Variants in APLP2 observed in about 807,000 individuals in gnomAD.
The protein encoded by APLP2 is amyloid beta precursor like protein 2, also known as CDEI box-binding protein.
APLP2 carries 53 observed loss-of-function variants against 89.9 expected under a neutral mutation model. That is an observed-to-expected ratio of 0.59 (90% CI 0.47 to 0.74). APLP2 has a LOEUF of 0.74. Ranked by LOEUF, APLP2 falls within the 30% of genes least tolerant of loss-of-function variation. The pLI, the probability that APLP2 is intolerant of heterozygous loss-of-function variation, is 0.00. For synonymous variants in APLP2, 372 were observed against 348.6 expected (o/e 1.07, Z -0.75); for missense variants, 973 against 975.9 (o/e 1.00, Z 0.04).
At chr11:130,110,723 C>T (rs747741837) in intron 3 of APLP2, 62 bp downstream of exon 3, 3 of 1,512,972 alleles carry the variant, frequency 2.0e-6, no homozygotes, top group Non-Finnish European at 2.7e-6. Context: ...ATTTAATTTT[C>T]TCTTGGCTCA....
At chr11:130,109,337 T>C in intron 1 of APLP2, 92 bp from the exon 2 acceptor site, 2 of 1,159,122 alleles carry the variant, frequency 1.7e-6, no homozygotes. Flanking sequence ...TTAAGGTTTT[T>C]AAAAGATGCA....
chr11:130,091,673 A>C (rs1591780257), intron 1 of APLP2, among the ~76,000 whole-genome samples: 8 of 108,052 alleles, frequency 7.4e-5, no homozygotes, highest in African/African-American at 7.9e-5. Flanking sequence ...GCGGCCGGGC[A>C]GAGGCGCCCC....
chr11:130,104,410 G>A (rs1947371482), intron 1 of APLP2, among the ~76,000 whole-genome samples: 1 of 151,534 alleles, frequency 6.6e-6, no homozygotes, highest in Admixed American at 6.6e-5. Flanking sequence ...GTAGAGACAG[G>A]GTTTCACCAT....
chr11:130,128,997 G>T, intron 9 of APLP2, 51 bp from the exon 10 acceptor site: 1 of 1,575,762 alleles, frequency 6.3e-7, no homozygotes, highest in African/African-American at 1.3e-5. Context: ...GCTTGCTTAG[G>T]CTTCCTCTGG....
chr11:130,096,041 A>G (rs1946158243), intron 1 of APLP2, among the ~76,000 whole-genome samples: 1 of 152,196 alleles, frequency 6.6e-6, no homozygotes, highest in East Asian at 1.9e-4. Flanking sequence ...AAAACCTGGA[A>G]TGGGTTGGAG....
intron 1 of APLP2, among the ~76,000 whole-genome samples, chr11:130,091,228 C>A (rs1276180610): frequency 7.2e-6 from 1 of 139,098 alleles, no homozygotes; most frequent in Admixed American, 6.8e-5. Context: ...GCTGACCCCC[C>A]CCACCTCCCT....
intron 1 of APLP2, among the ~76,000 whole-genome samples, chr11:130,078,160 T>G (rs575614659): frequency 1.3e-5 from 2 of 151,002 alleles, no homozygotes; most frequent in South Asian, 4.2e-4. Flanking sequence ...GTTCAGTTTT[T>G]CTTTCTTTTT....
chr11:130,122,549 G>T (rs1259964122), intron 6 of APLP2, 36 bp downstream of exon 6: 1 of 1,612,894 alleles, frequency 6.2e-7, no homozygotes, highest in Admixed American at 1.7e-5. Flanking sequence ...TGAAATCCAT[G>T]TGGTAATTAT....
intron 11 of APLP2, among the ~76,000 whole-genome samples, chr11:130,133,070 T>G (rs1050002827): frequency 1.1e-4 from 16 of 152,092 alleles, no homozygotes; most frequent in African/African-American, 3.6e-4. Flanking sequence ...AATTGTCTCT[T>G]AATTTGGAGC....
At chr11:130,112,340 A>G (rs1948687320) in intron 3 of APLP2, among the ~76,000 whole-genome samples, 1 of 152,194 alleles carries the variant, frequency 6.6e-6, no homozygotes, top group Non-Finnish European at 1.5e-5. Context: ...AAAAGCAAGT[A>G]TCTTTTGAAA....
At chr11:130,084,027 AC>A (rs953593599) in intron 1 of APLP2, among the ~76,000 whole-genome samples, 7 of 152,274 alleles carry the variant, frequency 4.6e-5, no homozygotes, top group African/African-American at 1.7e-4. Context: ...CAGGCGGATC[AC>A]GAGGTCAGGG....
rs1267000928 is a variant in APLP2, at chr11:130,143,680, AT to A, written c.*233del. 6.8e-6 allele frequency: 3 copies of A among 441,090 alleles called. No individual in the cohort carries two copies. The highest frequency in any genetic ancestry group is 3.9e-5 in the African/African-American group (2 of 50,640). 27.3% of individuals were successfully genotyped at this position (441,090 alleles called of 1,614,324 possible). A position where few individuals can be genotyped will look rare whatever the true frequency, so the allele number is the denominator to read the frequency against. On this transcript the variant is annotated 3_prime_UTR_variant, in exon 17 of 17. Coordinates refer to ENST00000338167, the MANE Select transcript of APLP2 (RefSeq NM_001142276.2). ...GATATATAAACCTTAAATGAAAAAA[AT>A]GATCTATTGCAGATATTTGATGTAG... is the stretch of plus-strand genomic sequence containing the variant.
At chr11:130,127,524 CTT>C (rs987003582) in intron 8 of APLP2, among the ~76,000 whole-genome samples, 4 of 152,136 alleles carry the variant, frequency 2.6e-5, no homozygotes, top group African/African-American at 9.7e-5. Flanking sequence ...GGCACAGAGA[CTT>C]TTAAATAACT....
intron 1 of APLP2, chr11:130,102,000 T>C (rs1246442261): frequency 6.6e-6 from 3 of 456,254 alleles, no homozygotes; most frequent in Non-Finnish European, 1.3e-5. Context: ...ATGAGATTAA[T>C]GTAGGTGTCT....
intron 2 of APLP2, 54 bp from the exon 3 acceptor site, chr11:130,110,484 G>A (rs537542069): frequency 2.5e-6 from 4 of 1,599,598 alleles, no homozygotes; most frequent in South Asian, 1.1e-5. Flanking sequence ...TTACTTGCAA[G>A]TGTGTGTCTG....
chr11:130,127,899 A>C lies in APLP2; in HGVS notation c.1296+59A>C. 3 of 1,476,646 alleles carry C rather than the reference A, an allele frequency of 2.0e-6. No individual in the cohort carries two copies. The South Asian group carries it at 3.5e-5, about 17-fold the overall frequency. The allele number at this position is 1,476,646 out of a possible 1,614,324, so 91.5% of individuals were successfully genotyped here. A position where few individuals can be genotyped will look rare whatever the true frequency, so the allele number is the denominator to read the frequency against. ...CCTGACCATTGGAAAATACGGTCAG[A>C]GCCCCATTCCCAACGAAATTAGGAT... is the stretch of plus-strand genomic sequence containing the variant. On this transcript the variant is annotated intron_variant, in intron 9 of 16. Transcript: ENST00000338167.
At chr11:130,140,046 T>C (rs1565605307) in intron 13 of APLP2, among the ~76,000 whole-genome samples, 1 of 152,146 alleles carries the variant, frequency 6.6e-6, no homozygotes, top group Non-Finnish European at 1.5e-5. Flanking sequence ...TGCTCAGTAA[T>C]TTCTCCTACG....
At chr11:130,113,689 A>G (rs1469441861) in intron 3 of APLP2, among the ~76,000 whole-genome samples, 1 of 152,138 alleles carries the variant, frequency 6.6e-6, no homozygotes, top group East Asian at 1.9e-4. Context: ...CAGAACTGAC[A>G]TCATTCAGTT....
rs757500700 is a variant in APLP2 at position 130,111,681 on chromosome 11, CAT to C, written c.403+1021_403+1022del. On this transcript the variant is annotated intron_variant, in intron 3 of 16. Coordinates refer to ENST00000338167, the MANE Select transcript of APLP2 (RefSeq NM_001142276.2). ...TATTCGTGAGGAGCAAGAGGGGCGT[CAT>C]GTGTGCTTACCACCGTTTACTTTAA... is the stretch of plus-strand genomic sequence containing the variant. 7.9e-5 allele frequency among the ~76,000 whole-genome samples: 12 copies of C among 152,288 alleles called. No individual in the cohort carries two copies. In the South Asian group the frequency reaches 1.0e-3, roughly 13 times the overall value.
Sources: allele counts gnomAD v4.1 joint callset (sites outside exome capture counted in the v4.1 genomes callset), GRCh38; gene constraint gnomAD v4.1.1; transcripts MANE v1.5; gene names NCBI Gene and HGNC (gene_info 2026-07-23, HGNC 2026-07-21).